Variants in HOXC6 observed in about 807,000 individuals in gnomAD.
The protein encoded by HOXC6 is homeobox protein Hox-C6.
In HOXC6, 10 loss-of-function variants were observed where a neutral mutation model predicts 24.0. That is an observed-to-expected ratio of 0.42 (90% CI 0.26 to 0.71). The LOEUF is 0.71. Ranked by LOEUF, HOXC6 falls within the 30% of genes least tolerant of loss-of-function variation. The pLI is 0.28. For missense variants in HOXC6, 258 were observed against 303.4 expected (o/e 0.85, Z 1.11); for synonymous variants, 123 against 128.1 (o/e 0.96, Z 0.27).
intron 1 of HOXC6, chr12:54,019,933 G>T (rs1164041608): frequency 2.0e-5 from 3 of 152,130 alleles, no homozygotes; most frequent in Non-Finnish European, 1.5e-5. Flanking sequence ...AGCAGAGAAG[G>T]CATAGCAGCA....
chr12:54,026,946 C>CA (rs1940736085), upstream of HOXC6, among the ~76,000 whole-genome samples: 3 of 137,844 alleles, frequency 2.2e-5, no homozygotes, highest in South Asian at 6.8e-4. Flanking sequence ...TCCCCCCCCC[C>CA]AACCCACCCA....
At chr12:54,023,253 A>T (rs1371559370) in intron 1 of HOXC6, among the ~76,000 whole-genome samples, 1 of 152,212 alleles carries the variant, frequency 6.6e-6, no homozygotes, top group Non-Finnish European at 1.5e-5. Context: ...GCTGAGCGTG[A>T]TGGGGTAGAG....
At chr12:54,020,768 A>T (rs567130173) in intron 1 of HOXC6, 1 of 152,282 alleles carries the variant, frequency 6.6e-6, no homozygotes. Context: ...ATATGTGCTC[A>T]CTGGAATCGG....
chr12:54,024,100 A>C (rs909340151), upstream of HOXC6, among the ~76,000 whole-genome samples: 2 of 152,208 alleles, frequency 1.3e-5, no homozygotes, highest in Non-Finnish European at 2.9e-5. Flanking sequence ...GCCTTAACCA[A>C]ATAGTGTGAT....
intron 1 of HOXC6, 55 bp downstream of exon 1, chr12:54,028,976 C>A: frequency 2.0e-6 from 3 of 1,511,486 alleles, no homozygotes; most frequent in African/African-American, 1.4e-5. Context: ...GCTTTATGAC[C>A]GGCTTCCCTA....
At position 54,018,789 on chromosome 12, in the gene HOXC6, G is replaced by T. The variant is rs373444969; in HGVS notation, c.-193+1375G>T. Among the ~76,000 whole-genome samples the T allele has an allele frequency of 2.6e-5, 4 of 152,210 alleles. No individual in the cohort carries two copies. The South Asian group carries it at 8.3e-4, about 32-fold the overall frequency. ...GGGGAACATATTCCAGACGAGGTCC[G>T]AGAGAACCTGGGGGCCAGACTTACC... On this transcript the variant is annotated intron_variant, in intron 1 of 2. Transcript: ENST00000394331.
rs1160374878 is a variant in HOXC6 at position 54,030,701 on chromosome 12, G to C, written c.*739G>C. On this transcript the variant is annotated 3_prime_UTR_variant, in exon 2 of 2. Coordinates refer to ENST00000243108, the MANE Select transcript of HOXC6 (RefSeq NM_004503.4). ...GAGAGAAAAAAAGTGAATGACGTTTGTTTAGCCAGTAGGAGAAAATAAATA... is the reference window on the plus strand; with the variant it reads ...GAGAGAAAAAAAGTGAATGACGTTTCTTTAGCCAGTAGGAGAAAATAAATA... 6.6e-6 allele frequency: 1 copy of C among 152,648 alleles called. No individual in the cohort carries two copies. The highest frequency in any genetic ancestry group is 2.1e-4 in the South Asian group (1 of 4,834). The allele number at this position is 152,648 out of a possible 1,614,324, so 9.5% of individuals were successfully genotyped here.
At chr12:54,028,283 C>A (rs903308740), upstream of HOXC6, 1 of 316,808 alleles carries the variant, frequency 3.2e-6, no homozygotes, top group Non-Finnish European at 5.8e-6. Context: ...TAAAAGAAAT[C>A]CAAGTCTTAC....
Position 54,030,156 on chromosome 12 carries a change from C to A in HOXC6, c.*194C>A. Reference sequence around the variant, plus strand: ...CTCACCGCACAACTCTCTTTCACCACGCGCCTCCTCCTCCTCGCTCCCTTG... The same window carrying A: ...CTCACCGCACAACTCTCTTTCACCAAGCGCCTCCTCCTCCTCGCTCCCTTG... On this transcript the variant is annotated 3_prime_UTR_variant, in exon 2 of 2. Coordinates refer to ENST00000243108, the MANE Select transcript of HOXC6 (RefSeq NM_004503.4). 1 of 545,364 alleles carries A rather than the reference C, an allele frequency of 1.8e-6. No individual in the cohort carries two copies. The highest frequency in any genetic ancestry group is 3.1e-5 in the South Asian group (1 of 32,786). The allele number at this position is 545,364 out of a possible 1,614,324, so 33.8% of individuals were successfully genotyped here. A position where few individuals can be genotyped will look rare whatever the true frequency, so the allele number is the denominator to read the frequency against.
Position 54,029,703 on chromosome 12 carries a change from G to T in HOXC6, c.449G>T (p.Arg150Leu), listed in dbSNP as rs113381644. The T allele has an allele frequency of 1.1e-4, 178 of 1,613,964 alleles. No homozygotes were observed. The highest frequency in any genetic ancestry group is 1.4e-4 in the Non-Finnish European group (170 of 1,179,960). Residue 150 changes from arginine to leucine, a missense_variant, in exon 2 of 2, where the codon CGG (arginine) becomes CTG (leucine). Transcript: ENST00000243108. ...AGGCGCGGCCGCCAGATCTACTCGC[G>T]GTACCAGACCCTGGAACTGGAGAAG... ...DRRRGRQIYS[R>L]YQTLELEKEF...
rs201594434 is a variant in HOXC6 at position 54,028,765 on chromosome 12, G to C, written c.244G>C (p.Asp82His). 289 of 1,614,020 alleles carry C rather than the reference G, an allele frequency of 1.8e-4. No individual in the cohort carries two copies. The highest frequency in any genetic ancestry group is 2.4e-4 in the Non-Finnish European group (278 of 1,180,030). The change falls in exon 1 of 2, where the codon GAC becomes CAC. Residue 82 changes from aspartate (D) to histidine (H), a missense_variant. Asp to His is a moderately conservative substitution (Grantham distance 81). Transcript: ENST00000243108. ...YGSNSFYQEK[D>H]MLSNCRQNTL... ...ATCTAATTCCTTTTACCAGGAGAAA[G>C]ACATGCTCTCAAACTGCAGACAAAA...
At chr12:54,029,602 G>A (rs1940902676) in intron 1 of HOXC6, 53 bp from the exon 2 acceptor site, 2 of 1,566,786 alleles carry the variant, frequency 1.3e-6, no homozygotes, top group African/African-American at 1.4e-5. Flanking sequence ...GAAACAGTCT[G>A]CAGAGGACGC....
chr12:54,019,540 G>C (rs549423310), intron 1 of HOXC6, among the ~76,000 whole-genome samples: 2 of 152,194 alleles, frequency 1.3e-5, no homozygotes, highest in South Asian at 2.1e-4. Context: ...CATTTTGTCC[G>C]CCCCCGCCCC....
Position 54,030,776 on chromosome 12 carries a change from G to A in HOXC6, c.*814G>A, listed in dbSNP as rs1397545992. On this transcript the variant is annotated 3_prime_UTR_variant, in exon 2 of 2. Transcript: ENST00000243108. ...CCTCCTGTATAAATCCAACCTCTGG[G>A]TCCGTTCTCGAATATTTAATAAAAC... is the stretch of plus-strand genomic sequence containing the variant. 6.6e-6 allele frequency: 1 copy of A among 152,422 alleles called. No homozygotes were observed. Among genetic ancestry groups the A allele is most frequent in the Non-Finnish European group, 1.5e-5 (1 of 68,024 alleles). 9.4% of individuals were successfully genotyped at this position (152,422 alleles called of 1,614,324 possible).
chr12:54,024,506 C>T (rs1358589768), upstream of HOXC6, among the ~76,000 whole-genome samples: 1 of 152,216 alleles, frequency 6.6e-6, no homozygotes, highest in African/African-American at 2.4e-5. Context: ...TAAGGAGGAC[C>T]TCTGGAAAAT....
chr12:54,019,613 T>C (rs979499808), intron 1 of HOXC6, among the ~76,000 whole-genome samples: 3 of 152,002 alleles, frequency 2.0e-5, no homozygotes, highest in Non-Finnish European at 4.4e-5. Context: ...AAGAAAACCT[T>C]TTCCAGAGAA....
chr12:54,025,517 G>T (rs1940652274), upstream of HOXC6, among the ~76,000 whole-genome samples: 2 of 95,012 alleles, frequency 2.1e-5, no homozygotes, highest in South Asian at 5.3e-4. Context: ...CCTCAGGAAT[G>T]AAAGGTAATT....
chr12:54,019,403 CT>C (rs1047194204), intron 1 of HOXC6, among the ~76,000 whole-genome samples: 10 of 152,180 alleles, frequency 6.6e-5, no homozygotes, highest in Non-Finnish European at 1.3e-4. Context: ...TCTGTGGGAC[CT>C]GAAAAGGGCA....
At chr12:54,029,500 TGG>T in intron 1 of HOXC6, 153 bp from the exon 2 acceptor site, 1 of 434,818 alleles carries the variant, frequency 2.3e-6, no homozygotes, top group South Asian at 2.5e-5. Context: ...GTACCCCCAG[TGG>T]GGGTGGGGCA....
Sources: allele counts gnomAD v4.1 joint callset (sites outside exome capture counted in the v4.1 genomes callset), GRCh38; gene constraint gnomAD v4.1.1; transcripts MANE v1.5; gene names NCBI Gene and HGNC (gene_info 2026-07-23, HGNC 2026-07-21).